CATSPER4: variants seen among roughly 807,000 people sequenced by gnomAD.
CATSPER4 encodes the protein cation channel sperm associated 4, also known as cation channel sperm-associated protein 4.
A neutral mutation model predicts 54.4 loss-of-function variants in CATSPER4; 46 were observed. The ratio of observed to expected loss-of-function variants is 0.84; its 90% CI spans 0.67 to 1.08. CATSPER4 has a LOEUF of 1.08. Ranked by LOEUF, CATSPER4 falls within the 50% of genes least tolerant of loss-of-function variation. CATSPER4 has a pLI of 0.00. For synonymous variants in CATSPER4, 230 were observed against 231.9 expected (o/e 0.99, Z 0.08); for missense variants, 574 against 612.8 (o/e 0.94, Z 0.67).
Position 26,201,337 on chromosome 1 carries a change from C to G in CATSPER4, c.1200-17C>G, listed in dbSNP as rs1338588208. 4 of 1,613,282 alleles carry G rather than the reference C, an allele frequency of 2.5e-6. No homozygotes were observed. The Admixed American group carries it at 5.0e-5, about 20-fold the overall frequency. On this transcript the variant is annotated splice_polypyrimidine_tract_variant and intron_variant, in intron 8 of 9. Coordinates refer to ENST00000456354, the MANE Select transcript of CATSPER4 (RefSeq NM_198137.2). ...CCCCTGAGGCCTTCTGAAAGGCACTCACTGCTCCACCCCCAGGATTGTGGA... is the reference window on the plus strand; with the variant it reads ...CCCCTGAGGCCTTCTGAAAGGCACTGACTGCTCCACCCCCAGGATTGTGGA...
At chr1:26,200,110 G>A (rs778537467) in intron 7 of CATSPER4, 52 bp downstream of exon 7, 6 of 1,570,790 alleles carry the variant, frequency 3.8e-6, no homozygotes, top group South Asian at 2.3e-5. Context: ...GTATGAGAGC[G>A]GACTTGAACA....
Position 26,197,632 on chromosome 1 carries a change from A to T in CATSPER4, c.460-54A>T, listed in dbSNP as rs139335836. ...GGGATGTGGGGAGGGCAGACCTAGGATGCCCCCATGGGCTGGGCCTGACAG... is the reference window on the plus strand; with the variant it reads ...GGGATGTGGGGAGGGCAGACCTAGGTTGCCCCCATGGGCTGGGCCTGACAG... On this transcript the variant is annotated intron_variant, in intron 3 of 9. Transcript: ENST00000456354. 4,320 of 1,244,154 alleles carry T rather than the reference A, an allele frequency of 3.5e-3. 11 individuals are homozygous for T. The highest frequency in any genetic ancestry group is 4.4e-3 in the Non-Finnish European group (3,733 of 845,168). The allele number at this position is 1,244,154 out of a possible 1,614,324, so 77.1% of individuals were successfully genotyped here.
At position 26,200,981 on chromosome 1, in the gene CATSPER4, TGCTTGAG is replaced by T; in HGVS notation, c.1142_1148del (p.Leu381GlnfsTer6). 1 of 1,614,084 alleles carries T rather than the reference TGCTTGAG, an allele frequency of 6.2e-7. No homozygotes were observed. The highest frequency in any genetic ancestry group is 8.5e-7 in the Non-Finnish European group (1 of 1,180,008). On this transcript the variant is annotated frameshift_variant, in exon 8 of 10. Transcript: ENST00000456354. LOFTEE classifies it high-confidence loss of function. ...AACACGTGTGACAACTTTTGCTTGG[TGCTTGAG>T]GCAATACAGGAGAACCTGAGGCAGT...
chr1:26,191,633 G>A (rs1159604732), intron 2 of CATSPER4, among the ~76,000 whole-genome samples: 4 of 152,214 alleles, frequency 2.6e-5, no homozygotes, highest in Non-Finnish European at 5.9e-5. Context: ...TTTGAGGAAT[G>A]CATTGGATTT....
chr1:26,195,062 C>T (rs751896367), intron 3 of CATSPER4, among the ~76,000 whole-genome samples: 13 of 152,080 alleles, frequency 8.5e-5, no homozygotes, highest in African/African-American at 2.4e-4. Context: ...CCAGCCTGGG[C>T]GACAGAGAGA....
Position 26,190,694 on chromosome 1 carries a change from G to A in CATSPER4, c.67G>A (p.Gly23Arg), listed in dbSNP as rs143155155. 94 of 1,612,348 alleles carry A rather than the reference G, an allele frequency of 5.8e-5. No individual in the cohort carries two copies. Among genetic ancestry groups the A allele is most frequent in the African/African-American group, 1.2e-4 (9 of 74,880 alleles). The change falls in exon 1 of 10, where the codon GGG (glycine) becomes AGG (arginine). Residue 23 changes from glycine (G) to arginine (R), a missense_variant. By Grantham distance (125) the Gly-to-Arg change is moderately radical. Coordinates refer to ENST00000456354, the MANE Select transcript of CATSPER4 (RefSeq NM_198137.2). ...TSHTGLEGWGGTQEDRMGFGG... is the reference protein window; with the variant it reads ...TSHTGLEGWGRTQEDRMGFGG... The stretch of plus-strand genomic sequence containing the variant: ...CCATACAGGCCTCGAGGGGTGGGGC[G>A]GGACTCAGGAGGACCGTATGGGGTT...
intron 3 of CATSPER4, among the ~76,000 whole-genome samples, chr1:26,196,201 G>A (rs899669269): frequency 5.3e-5 from 7 of 131,826 alleles, no homozygotes; most frequent in African/African-American, 8.9e-5. Flanking sequence ...CAGGTTGGTC[G>A]CAAACTCTTG....
chr1:26,196,144 CTTTTTTT>C (rs376569258), intron 3 of CATSPER4, among the ~76,000 whole-genome samples: 2 of 125,274 alleles, frequency 1.6e-5, no homozygotes, highest in African/African-American at 6.2e-5. Flanking sequence ...CTTTCTTTTC[CTTTTTTT>C]TTTTTTTTTT....
Position 26,200,911 on chromosome 1 carries a change from C to T in CATSPER4, c.1069C>T (p.Leu357Phe), listed in dbSNP as rs765200467. ...CGCCCGCTCGGAGAAATCTGGTCTC[C>T]TCCAGGAACCCCTTGCGGGAGGCCC... The part of the protein sequence containing the change: ...VVARSEKSGL[L>F]QEPLAGGPLS... Residue 357 changes from leucine to phenylalanine, a missense_variant, in exon 8 of 10, where the codon CTC becomes TTC. Physicochemically the swap from Leu to Phe is conservative, Grantham distance 22. Transcript: ENST00000456354. 6.2e-6 allele frequency: 10 copies of T among 1,614,140 alleles called. No individual in the cohort carries two copies. Among genetic ancestry groups the T allele is most frequent in the Admixed American group, 1.7e-5 (1 of 60,010 alleles).
chr1:26,196,880 A>G (rs952786217), intron 3 of CATSPER4, among the ~76,000 whole-genome samples: 2 of 151,314 alleles, frequency 1.3e-5, no homozygotes, highest in African/African-American at 4.9e-5. Context: ...AGGGCTTGCA[A>G]AATGTACCAG....
chr1:26,192,129 CTT>C (rs1189162445), intron 2 of CATSPER4, among the ~76,000 whole-genome samples: 47 of 139,584 alleles, frequency 3.4e-4, no homozygotes, highest in Non-Finnish European at 3.4e-4. Context: ...GTTTTAATTT[CTT>C]TTTTTTTTTT....
At chr1:26,195,650 CG>C (rs2088929381) in intron 3 of CATSPER4, among the ~76,000 whole-genome samples, 2 of 152,050 alleles carry the variant, frequency 1.3e-5, no homozygotes, top group African/African-American at 4.8e-5. Context: ...TACAGGCGCC[CG>C]CCACCACGCC....
intron 2 of CATSPER4, among the ~76,000 whole-genome samples, chr1:26,193,088 G>A (rs2088890957): frequency 6.6e-6 from 1 of 151,828 alleles, no homozygotes; most frequent in Non-Finnish European, 1.5e-5. Flanking sequence ...AGAAAGGGAG[G>A]AGACACGGTG....
At chr1:26,198,150 G>T (rs1204765887) in intron 5 of CATSPER4, 73 bp downstream of exon 5, 1 of 1,613,770 alleles carries the variant, frequency 6.2e-7, no homozygotes, top group African/African-American at 1.3e-5. Flanking sequence ...AAATAGAGGG[G>T]TGTCTGGAAA....
At chr1:26,194,072 T>G (rs2088906105) in intron 3 of CATSPER4, among the ~76,000 whole-genome samples, 184 bp downstream of exon 3, 1 of 152,228 alleles carries the variant, frequency 6.6e-6, no homozygotes, top group South Asian at 2.1e-4. Flanking sequence ...GCAGCCTCCC[T>G]GGGCTCCAAT....
intron 3 of CATSPER4, among the ~76,000 whole-genome samples, chr1:26,195,006 C>A (rs1012840091): frequency 6.6e-5 from 10 of 152,304 alleles, no homozygotes; most frequent in African/African-American, 2.4e-4. Flanking sequence ...ACCACTTGAA[C>A]CCGGGAGGCG....
At chr1:26,192,844 CT>C (rs2088887485) in intron 2 of CATSPER4, among the ~76,000 whole-genome samples, 1 of 151,832 alleles carries the variant, frequency 6.6e-6, no homozygotes, top group Admixed American at 6.6e-5. Context: ...GTAAAGCGCA[CT>C]TTTGGGGAGG....
Position 26,201,371 on chromosome 1 carries a change from G to A in CATSPER4, c.1217G>A (p.Arg406His). Residue 406 changes from arginine (R) to histidine (H), a missense_variant, in exon 9 of 10, where the codon CGC becomes CAC. By Grantham distance (29) the Arg-to-His change is conservative. Transcript: ENST00000456354. Reference sequence around the variant, plus strand: ...ACCCCCAGGATTGTGGAGGAGGTGCGCGCAATCCGCTTCAACCAGGAGCAG... The same window carrying A: ...ACCCCCAGGATTGTGGAGGAGGTGCACGCAATCCGCTTCAACCAGGAGCAG... ...DELNMIVEEV[R>H]AIRFNQEQES... The A allele has an allele frequency of 6.2e-7, 1 of 1,614,086 alleles. No individual in the cohort carries two copies. The highest frequency in any genetic ancestry group is 8.5e-7 in the Non-Finnish European group (1 of 1,180,020).
chr1:26,202,738 AGAG>A lies in CATSPER4; in HGVS notation c.*202_*204del. On this transcript the variant is annotated 3_prime_UTR_variant, in exon 10 of 10. Transcript: ENST00000456354. ...GCCCCAGGTCCGGTGGAGCAAGGAG[AGAG>A]GAGGATGCTGGATGATGAGAGTGGG... 1.6e-6 allele frequency: 1 copy of A among 630,712 alleles called. No homozygotes were observed. The highest frequency in any genetic ancestry group is 2.9e-6 in the Non-Finnish European group (1 of 349,196). The allele number at this position is 630,712 out of a possible 1,614,324, so 39.1% of individuals were successfully genotyped here. A position where few individuals can be genotyped will look rare whatever the true frequency, so the allele number is the denominator to read the frequency against.
Sources: allele counts gnomAD v4.1 joint callset (sites outside exome capture counted in the v4.1 genomes callset), GRCh38; gene constraint gnomAD v4.1.1; transcripts MANE v1.5; gene names NCBI Gene and HGNC (gene_info 2026-07-23, HGNC 2026-07-21).